Variants in PCDHGA11 observed in about 807,000 individuals in gnomAD.
The protein encoded by PCDHGA11 is protocadherin gamma-A11.
Under a neutral mutation model 60.4 loss-of-function variants are expected in PCDHGA11, and 39 were observed. The observed-to-expected ratio is 0.65, with a 90% CI of 0.50 to 0.84. The LOEUF (loss-of-function observed/expected upper bound fraction) is 0.84. Ranked by LOEUF, PCDHGA11 falls within the 40% of genes least tolerant of loss-of-function variation. The probability of loss-of-function intolerance (pLI) is 0.00; values close to 1 mark genes in which losing one functional copy is unlikely to be tolerated. For missense variants in PCDHGA11, 1,165 were observed against 1,197.7 expected, an observed-to-expected ratio of 0.97 and a Z score of 0.40; for synonymous variants, 533 against 510.3, an observed-to-expected ratio of 1.04 and a Z score of -0.60.
intron 1 of PCDHGA11, among the ~76,000 whole-genome samples, chr5:141,447,275 G>A (rs2098532748): frequency 1.3e-5 from 2 of 152,154 alleles, no homozygotes; most frequent in South Asian, 2.1e-4. Context: ...AAGTAGCTGG[G>A]ACTACAGGCA....
Position 141,489,902 on chromosome 5 carries a change from C to A in PCDHGA11, c.2434-4905C>A. ...ACTGCTGTGGATGGGGGGACCCCAGCCCGCTCAGGGACCACCCTTATCTCT... is the reference window on the plus strand; with the variant it reads ...ACTGCTGTGGATGGGGGGACCCCAGACCGCTCAGGGACCACCCTTATCTCT... On this transcript the variant is annotated intron_variant, in intron 1 of 3. Transcript: ENST00000398587. The surrounding 1 kb of genome is among the most constrained non-coding windows in gnomAD (Gnocchi z 4.5). 1 of 1,614,218 alleles carries A rather than the reference C, an allele frequency of 6.2e-7. No individual in the cohort carries two copies. The highest frequency in any genetic ancestry group is 8.5e-7 in the Non-Finnish European group (1 of 1,180,032).
At position 141,422,984 on chromosome 5, in the gene PCDHGA11, G is replaced by A. The variant is rs752694873; in HGVS notation, c.1757G>A (p.Gly586Asp). The A allele has an allele frequency of 4.5e-5, 73 of 1,614,112 alleles. No individual in the cohort carries two copies. The highest frequency in any genetic ancestry group is 5.9e-5 in the Non-Finnish European group (70 of 1,180,048). ...CTGGCGCCCCGCTCTGCGGAACCTG[G>A]CTACCTGGTGACCAAGGTGGTTGCG... is the stretch of plus-strand genomic sequence containing the variant. Reference protein sequence around the residue: ...VELAPRSAEPGYLVTKVVAVD... With the variant: ...VELAPRSAEPDYLVTKVVAVD... The change falls in exon 1 of 4, where the codon GGC becomes GAC. Residue 586 changes from glycine (G) to aspartate (D), a missense_variant. By Grantham distance (94) the Gly-to-Asp change is moderately conservative (BLOSUM62 -1). Coordinates refer to ENST00000398587, the MANE Select transcript of PCDHGA11 (RefSeq NM_018914.3).
At position 141,476,744 on chromosome 5, in the gene PCDHGA11, CT is replaced by C; in HGVS notation, c.2434-18062del. ...CCTGGACCGAGAACGGGAGCCTAGT[CT>C]CCAGTTAGTGCTGACGGCGTTGGAC... is the stretch of plus-strand genomic sequence containing the variant. On this transcript the variant is annotated intron_variant, in intron 1 of 3. Coordinates refer to ENST00000398587, the MANE Select transcript of PCDHGA11 (RefSeq NM_018914.3). The surrounding 1 kb of genome is among the most constrained non-coding windows in gnomAD (Gnocchi z 7.6). 6.2e-7 allele frequency: 1 copy of C among 1,614,046 alleles called. No homozygotes were observed. Among genetic ancestry groups the C allele is most frequent in the East Asian group, 2.2e-5 (1 of 44,884 alleles).
chr5:141,472,316 C>T (rs1456055286), intron 1 of PCDHGA11, among the ~76,000 whole-genome samples: 6 of 151,940 alleles, frequency 3.9e-5, no homozygotes, highest in Non-Finnish European at 8.8e-5. Context: ...CCGAGGCAGG[C>T]AGATCACGAG....
intron 1 of PCDHGA11, among the ~76,000 whole-genome samples, chr5:141,471,768 T>A (rs1203999329): frequency 6.6e-6 from 1 of 152,174 alleles, no homozygotes; most frequent in Non-Finnish European, 1.5e-5. Context: ...GGTCAAAAGA[T>A]GAGTTTGACA....
At chr5:141,438,591 C>CATATATATAT (rs946798767) in intron 1 of PCDHGA11, among the ~76,000 whole-genome samples, 17 of 75,552 alleles carry the variant, frequency 2.3e-4, no homozygotes, top group Non-Finnish European at 3.8e-4. Context: ...TACATACATA[C>CATATATATAT]ATATATATAT....
At chr5:141,497,212 G>T (rs968445663) in intron 2 of PCDHGA11, among the ~76,000 whole-genome samples, 3 of 150,900 alleles carry the variant, frequency 2.0e-5, no homozygotes, top group Non-Finnish European at 3.0e-5. Context: ...AGTGTAATGG[G>T]GGGGGGAAGA....
Position 141,498,864 on chromosome 5 carries a change from C to T in PCDHGA11, c.2492+3999C>T, listed in dbSNP as rs1370263013. Among the ~76,000 whole-genome samples the T allele has an allele frequency of 2.7e-5, 4 of 149,532 alleles. No homozygotes were observed. The East Asian group carries it at 5.9e-4, about 22-fold the overall frequency. ...AGGGGAATCGCTTGAACCCAGGAGG[C>T]GGAGGTTGCAGTGAGCTGAGATCAC... On this transcript the variant is annotated intron_variant, in intron 2 of 3. Coordinates refer to ENST00000398587, the MANE Select transcript of PCDHGA11 (RefSeq NM_018914.3).
intron 1 of PCDHGA11, among the ~76,000 whole-genome samples, chr5:141,448,521 GCATCCTGTCAGCATTTC>G (rs1378426350): frequency 1.3e-5 from 2 of 151,994 alleles, no homozygotes; most frequent in Non-Finnish European, 2.9e-5. Flanking sequence ...ACTTTATTAA[GCATCCTGTCAGCATTTC>G]TTATGCAAAT....
intron 1 of PCDHGA11, among the ~76,000 whole-genome samples, chr5:141,452,353 AG>A (rs556616398): frequency 5.9e-5 from 9 of 152,206 alleles, no homozygotes; most frequent in Non-Finnish European, 1.3e-4. Context: ...TTTATCCAAA[AG>A]CCTTGCTTCA....
intron 1 of PCDHGA11, among the ~76,000 whole-genome samples, chr5:141,494,498 C>G (rs2099754760): frequency 6.6e-6 from 1 of 152,138 alleles, no homozygotes; most frequent in African/African-American, 2.4e-5. Flanking sequence ...GCCTTCAGTC[C>G]TTGAATTTTG....
intron 1 of PCDHGA11, among the ~76,000 whole-genome samples, chr5:141,475,035 G>T (rs983190948): frequency 2.0e-5 from 3 of 152,132 alleles, no homozygotes. Context: ...GTGACTAAAG[G>T]CTTTGTATTT....
In PCDHGA11 at chr5:141,478,182, A is replaced by T. The variant is rs777228133; in HGVS notation, c.2434-16625A>T. The T allele has an allele frequency of 5.0e-6, 8 of 1,613,866 alleles. No individual in the cohort carries two copies. In the South Asian group the frequency reaches 8.8e-5, roughly 18 times the overall value. ...TCTGCCCCCCGGGAGCAGAAAAAAA[A>T]TCTCACCTTTTATCTACTTCTTTCT... is the stretch of plus-strand genomic sequence containing the variant. On this transcript the variant is annotated intron_variant, in intron 1 of 3. Transcript: ENST00000398587.
chr5:141,483,445 C>T (rs1332037230), intron 1 of PCDHGA11, among the ~76,000 whole-genome samples: 1 of 152,106 alleles, frequency 6.6e-6, no homozygotes, highest in Admixed American at 6.5e-5. Context: ...ACAATAAAAT[C>T]ATCAGGACTT....
Position 141,476,443 on chromosome 5 carries a change from G to A in PCDHGA11, c.2434-18364G>A, listed in dbSNP as rs752285213. 1 of 1,614,044 alleles carries A rather than the reference G, an allele frequency of 6.2e-7. No individual in the cohort carries two copies. The highest frequency in any genetic ancestry group is 8.5e-7 in the Non-Finnish European group (1 of 1,180,038). ...TGCCCTCTTGCACTGTAACTCTGGAGTTGGTAGTGGAGAACCCGCTGGAGC... is the reference window on the plus strand; with the variant it reads ...TGCCCTCTTGCACTGTAACTCTGGAATTGGTAGTGGAGAACCCGCTGGAGC... On this transcript the variant is annotated intron_variant, in intron 1 of 3. Transcript: ENST00000398587. This position sits in a 1 kb window ranked among gnomAD's most constrained non-coding sequence, Gnocchi z 7.6.
Position 141,422,964 on chromosome 5 carries a change from G to C in PCDHGA11, c.1737G>C (p.Ala579=), listed in dbSNP as rs375881737. 1.0e-4 allele frequency: 161 copies of C among 1,614,190 alleles called. No individual in the cohort carries two copies. In the African/African-American group the frequency reaches 1.9e-3, roughly 20 times the overall value. ...ACGGCTCCACTGGCGTGGAGCTGGC[G>C]CCCCGCTCTGCGGAACCTGGCTACC... The part of the protein sequence containing the change: ...PTDGSTGVEL[A]PRSAEPGYLV... Residue 579 remains alanine, a synonymous_variant, in exon 1 of 4, where the codon GCG becomes GCC. Coordinates refer to ENST00000398587, the MANE Select transcript of PCDHGA11 (RefSeq NM_018914.3).
At position 141,421,678 on chromosome 5, in the gene PCDHGA11, G is replaced by T; in HGVS notation, c.451G>T (p.Ala151Ser). ...IKVSEHAIPG[A>S]RFALPNARDP... ...AGTCAGTGAGCACGCAATTCCTGGG[G>T]CGCGATTTGCTCTTCCTAATGCTAG... Residue 151 changes from alanine (A) to serine (S), a missense_variant, in exon 1 of 4, where the codon GCG becomes TCG. Physicochemically the swap from Ala to Ser is moderately conservative, Grantham distance 99. Transcript: ENST00000398587. 3 of 1,613,892 alleles carry T rather than the reference G, an allele frequency of 1.9e-6. No individual in the cohort carries two copies. The highest frequency in any genetic ancestry group is 2.5e-6 in the Non-Finnish European group (3 of 1,179,848).
chr5:141,427,895 G>T (rs539406412), intron 1 of PCDHGA11: 3 of 1,569,228 alleles, frequency 1.9e-6, no homozygotes, highest in South Asian at 2.2e-5. Context: ...ACCAGGGCTC[G>T]CCCGCGCTCA....
In PCDHGA11 at chr5:141,421,252, G is replaced by A; in HGVS notation, c.25G>A (p.Asp9Asn). Residue 9 changes from aspartate (D) to asparagine (N), a missense_variant, in exon 1 of 4, where the codon GAC becomes AAC. Physicochemically the swap from Asp to Asn is conservative, Grantham distance 23 (BLOSUM62 1). Coordinates refer to ENST00000398587, the MANE Select transcript of PCDHGA11 (RefSeq NM_018914.3). Reference sequence around the variant, plus strand: ...CATGGCGAATCGGCTACAGCGCGGGGACCGCAGTCGGCTGCTGCTGCTGCT... The same window carrying A: ...CATGGCGAATCGGCTACAGCGCGGGAACCGCAGTCGGCTGCTGCTGCTGCT... MANRLQRG[D>N]RSRLLLLLCI... The A allele has an allele frequency of 6.2e-7, 1 of 1,607,158 alleles. No homozygotes were observed. Among genetic ancestry groups the A allele is most frequent in the Non-Finnish European group, 8.5e-7 (1 of 1,177,652 alleles).
Sources: gnomAD v4.1 joint callset for allele counts (sites outside exome capture counted in the v4.1 genomes callset) on GRCh38, gnomAD v4.1.1 for gene constraint, Gnocchi (gnomAD v3.1) non-coding constraint, MANE v1.5 for transcripts, NCBI Gene and HGNC (gene_info 2026-07-23, HGNC 2026-07-21) for gene names.